Variants in CMTM8 observed in about 807,000 individuals in gnomAD.
CMTM8 encodes the protein CKLF like MARVEL transmembrane domain containing 8.
CMTM8 carries 12 observed loss-of-function variants against 18.6 expected under a neutral mutation model. The ratio of observed to expected loss-of-function variants is 0.65; its 90% confidence interval spans 0.41 to 1.05. CMTM8 has a LOEUF of 1.05. Among genes scored for constraint, CMTM8 ranks in the 50% least tolerant of loss-of-function variants. The pLI is 0.00. For synonymous variants in CMTM8, 87 were observed against 90.6 expected (o/e 0.96, Z 0.23); for missense variants, 217 against 227.2 (o/e 0.95, Z 0.29).
At chr3:32,272,782 T>C (rs1008410036) in intron 1 of CMTM8, among the ~76,000 whole-genome samples, 2 of 152,148 alleles carry the variant, frequency 1.3e-5, no homozygotes, top group East Asian at 3.8e-4. Context: ...TGCTGCTCCC[T>C]CTGGACACTG....
chr3:32,337,303 C>T (rs914599461), intron 1 of CMTM8, among the ~76,000 whole-genome samples: 16 of 152,252 alleles, frequency 1.1e-4, no homozygotes, highest in Middle Eastern at 3.4e-3. Context: ...ATGTGGGAGC[C>T]AGGTTAGCAT....
chr3:32,269,754 A>G (rs1027948672), intron 1 of CMTM8, among the ~76,000 whole-genome samples: 3 of 152,200 alleles, frequency 2.0e-5, no homozygotes, highest in African/African-American at 4.8e-5. Context: ...TGTGTAAAAT[A>G]TCATACAGTA....
chr3:32,258,116 T>C (rs1239591320), intron 1 of CMTM8, among the ~76,000 whole-genome samples: 1 of 152,214 alleles, frequency 6.6e-6, no homozygotes, highest in Non-Finnish European at 1.5e-5. Context: ...ACTTTGGTTA[T>C]TGCTTCTAAT....
intron 1 of CMTM8, among the ~76,000 whole-genome samples, chr3:32,337,230 A>T (rs937723286): frequency 2.0e-5 from 3 of 152,130 alleles, no homozygotes; most frequent in Non-Finnish European, 2.9e-5. Flanking sequence ...AGTTTGGGGG[A>T]CACATTCAAA....
Position 32,358,134 on chromosome 3 carries a change from A to G in CMTM8, c.321+588A>G, listed in dbSNP as rs1696853728. Among the ~76,000 whole-genome samples the G allele has an allele frequency of 6.6e-6, 1 of 152,216 alleles. No individual in the cohort carries two copies. The highest frequency in any genetic ancestry group is 2.4e-5 in the African/African-American group (1 of 41,442). On this transcript the variant is annotated intron_variant, in intron 2 of 3. Transcript: ENST00000307526. This position sits in a 1 kb window ranked among gnomAD's most constrained non-coding sequence, Gnocchi z 4.1. ...GGATGGTGAACATGTGGTCCAGGGT[A>G]AATAGATAAGAAAATGAGTAGATAC...
chr3:32,363,189 C>G (rs747766089), intron 2 of CMTM8, among the ~76,000 whole-genome samples: 1 of 152,150 alleles, frequency 6.6e-6, no homozygotes, highest in Non-Finnish European at 1.5e-5. Flanking sequence ...TGGTTTAAAA[C>G]TTATTTCTCT....
chr3:32,288,085 T>C (rs973623176), intron 1 of CMTM8, among the ~76,000 whole-genome samples: 8 of 152,206 alleles, frequency 5.3e-5, no homozygotes, highest in African/African-American at 1.9e-4. Context: ...TTTCCAGATA[T>C]CAAATAGGTA....
intron 1 of CMTM8, among the ~76,000 whole-genome samples, chr3:32,351,055 G>C (rs1320607501): frequency 6.6e-6 from 1 of 152,174 alleles, no homozygotes; most frequent in East Asian, 1.9e-4. Flanking sequence ...AGCAAAATTA[G>C]GTGTTCAGTC....
chr3:32,351,870 A>C lies in CMTM8; in HGVS notation c.148-5503A>C, dbSNP rs185302660. Among the ~76,000 whole-genome samples, 310 of 152,188 alleles carry C rather than the reference A, an allele frequency of 2.0e-3. 8 individuals carry two copies. Among genetic ancestry groups the C allele is most frequent in the Admixed American group, 0.018 (276 of 15,276 alleles). On this transcript the variant is annotated intron_variant, in intron 1 of 3. Transcript: ENST00000307526. ...ACAAATCAGAAAGTGACTTTTAAAA[A>C]TCTATCAGGCCAGGCACAGTGGCTG...
chr3:32,339,419 C>T (rs1219516452), intron 1 of CMTM8, among the ~76,000 whole-genome samples: 4 of 152,142 alleles, frequency 2.6e-5, no homozygotes, highest in African/African-American at 9.7e-5. Context: ...CAGAGAGGAC[C>T]GGAAGGAGAT....
At chr3:32,249,377 C>G (rs1344570083) in intron 1 of CMTM8, among the ~76,000 whole-genome samples, 1 of 150,482 alleles carries the variant, frequency 6.6e-6, no homozygotes, top group Non-Finnish European at 1.5e-5. Flanking sequence ...CTGCAGTGAG[C>G]TGAGATTGTG....
rs567699213 is a variant in CMTM8 at position 32,240,091 on chromosome 3, A to C, written c.147+972A>C. On this transcript the variant is annotated intron_variant, in intron 1 of 3. Transcript: ENST00000307526. ...CACAGACTTTTGTTAAATATTTGGG[A>C]ATTGAAAATGAGCCTATGTGGGAGT... Among the ~76,000 whole-genome samples the C allele has an allele frequency of 6.6e-5, 10 of 152,282 alleles. No individual in the cohort carries two copies. The South Asian group carries it at 1.2e-3, about 19-fold the overall frequency.
At chr3:32,288,305 A>G (rs1157132112) in intron 1 of CMTM8, among the ~76,000 whole-genome samples, 1 of 152,094 alleles carries the variant, frequency 6.6e-6, no homozygotes, top group Admixed American at 6.5e-5. Context: ...TTTTTTAGAG[A>G]CAGGGACTTA....
chr3:32,297,935 T>C (rs534688846), intron 1 of CMTM8, among the ~76,000 whole-genome samples: 1 of 151,982 alleles, frequency 6.6e-6, no homozygotes, highest in African/African-American at 2.4e-5. Context: ...AAATTGGAGA[T>C]GATGAGAAAC....
intron 1 of CMTM8, among the ~76,000 whole-genome samples, chr3:32,330,784 C>A (rs892492490): frequency 1.3e-5 from 2 of 152,078 alleles, no homozygotes; most frequent in African/African-American, 4.8e-5. Context: ...AACTGGATAT[C>A]CACATGCAAA....
At chr3:32,280,775 C>G (rs1041426378) in intron 1 of CMTM8, among the ~76,000 whole-genome samples, 2 of 144,428 alleles carry the variant, frequency 1.4e-5, no homozygotes, top group African/African-American at 2.6e-5. Context: ...ACTTCTGGTA[C>G]CTGGGGTGGA....
At chr3:32,258,967 T>G (rs1485225282) in intron 1 of CMTM8, 1 of 335,236 alleles carries the variant, frequency 3.0e-6, no homozygotes, top group Admixed American at 3.4e-5. Context: ...TTCCACCTTC[T>G]CCTCCAACTG....
intron 1 of CMTM8, among the ~76,000 whole-genome samples, chr3:32,316,544 A>G (rs1695935733): frequency 6.6e-6 from 1 of 152,206 alleles, no homozygotes; most frequent in Non-Finnish European, 1.5e-5. Flanking sequence ...TGCAGCCTTT[A>G]TTGTTGAAAG....
intron 1 of CMTM8, among the ~76,000 whole-genome samples, chr3:32,348,924 C>G (rs1057261118): frequency 5.9e-5 from 9 of 151,990 alleles, no homozygotes; most frequent in African/African-American, 2.2e-4. Flanking sequence ...TTTTATCATG[C>G]AGCATTTCTA....
Sources: gnomAD v4.1 joint callset for allele counts (sites outside exome capture counted in the v4.1 genomes callset) on GRCh38, gnomAD v4.1.1 for gene constraint, Gnocchi (gnomAD v3.1) non-coding constraint, MANE v1.5 for transcripts, NCBI Gene and HGNC (gene_info 2026-07-23, HGNC 2026-07-21) for gene names.